The following ZDHHC23 variants were observed in gnomAD, a reference collection of about 807,000 sequenced individuals.
ZDHHC23 encodes the protein palmitoyltransferase ZDHHC23.
A neutral mutation model predicts 40.2 loss-of-function variants in ZDHHC23; 41 were observed. That is an observed-to-expected ratio of 1.02 (90% CI 0.79 to 1.32). The LOEUF is 1.32. ZDHHC23 is among the 40% of genes most tolerant of loss of function. The probability of loss-of-function intolerance (pLI) is 0.00; values close to 1 mark genes in which losing one functional copy is unlikely to be tolerated. For missense variants in ZDHHC23, 471 were observed against 541.5 expected, an observed-to-expected ratio of 0.87 and a Z score of 1.29; for synonymous variants, 204 against 210.2, an observed-to-expected ratio of 0.97 and a Z score of 0.26.
At position 113,959,696 on chromosome 3, in the gene ZDHHC23, G is replaced by T; in HGVS notation, c.*1066G>T. The T allele has an allele frequency of 1.8e-6, 2 of 1,125,782 alleles. No homozygotes were observed. Among genetic ancestry groups the T allele is most frequent in the South Asian group, 2.0e-5 (1 of 50,348 alleles). The allele number at this position is 1,125,782 out of a possible 1,614,324, so 69.7% of individuals were successfully genotyped here. Reference sequence around the variant, plus strand: ...ACTAAATTGTGAAAATCAGCCTTCTGGCATTCACATTATTCTGGTATGAAC... The same window carrying T: ...ACTAAATTGTGAAAATCAGCCTTCTTGCATTCACATTATTCTGGTATGAAC... On this transcript the variant is annotated 3_prime_UTR_variant, in exon 5 of 5. Coordinates refer to ENST00000638807, the MANE Select transcript of ZDHHC23 (RefSeq NM_001320466.2).
In ZDHHC23 at chr3:113,958,442, A is replaced by T; in HGVS notation, c.1120A>T (p.Ile374Phe). ...GMAYIFLIQL[I>F]NISYNVTERE... ...GGCCTACATCTTCCTGATCCAGCTG[A>T]TCAACATCAGCTACAATGTGACTGA... The change falls in exon 5 of 5, where the codon ATC becomes TTC. Residue 374 changes from isoleucine to phenylalanine, a missense_variant. Ile to Phe is a conservative substitution (Grantham distance 21). Coordinates refer to ENST00000638807, the MANE Select transcript of ZDHHC23 (RefSeq NM_001320466.2). The T allele has an allele frequency of 6.2e-7, 1 of 1,614,118 alleles. No individual in the cohort carries two copies. The highest frequency in any genetic ancestry group is 8.5e-7 in the Non-Finnish European group (1 of 1,180,020).
At chr3:113,957,303 C>T (rs1397099307) in intron 4 of ZDHHC23, among the ~76,000 whole-genome samples, 3 of 152,212 alleles carry the variant, frequency 2.0e-5, no homozygotes, top group Non-Finnish European at 4.4e-5. Flanking sequence ...GCTTTCTTTA[C>T]AAAGTATCCC....
At position 113,959,146 on chromosome 3, in the gene ZDHHC23, C is replaced by T. The variant is rs1022480847; in HGVS notation, c.*516C>T. On this transcript the variant is annotated 3_prime_UTR_variant, in exon 5 of 5. Coordinates refer to ENST00000638807, the MANE Select transcript of ZDHHC23 (RefSeq NM_001320466.2). ...AAAGCACTAAAAAACAACTCAAGAG[C>T]CATGGAAATACAAAGTATTAGGAAA... is the stretch of plus-strand genomic sequence containing the variant. 10 of 1,041,714 alleles carry T rather than the reference C, an allele frequency of 9.6e-6. No homozygotes were observed. Among genetic ancestry groups the T allele is most frequent in the Non-Finnish European group, 1.1e-5 (9 of 851,254 alleles). 64.5% of individuals were successfully genotyped at this position (1,041,714 alleles called of 1,614,324 possible). A position where few individuals can be genotyped will look rare whatever the true frequency, so the allele number is the denominator to read the frequency against.
chr3:113,965,247 G>T (rs747316219), downstream of ZDHHC23: 44 of 1,611,884 alleles, frequency 2.7e-5, 1 homozygote, highest in Admixed American at 6.0e-4. Context: ...AAGTCTGGAA[G>T]AATTTCAACT....
the ZDHHC23 span, among the ~76,000 whole-genome samples, chr3:113,977,313 A>G: frequency 1.3e-5 from 2 of 152,088 alleles, no homozygotes; most frequent in African/African-American, 4.8e-5. Flanking sequence ...CACCCACACA[A>G]CAGTCTTCAT....
intron 3 of ZDHHC23, among the ~76,000 whole-genome samples, chr3:113,955,735 G>A (rs1939164113): frequency 6.6e-6 from 1 of 152,056 alleles, no homozygotes; most frequent in Non-Finnish European, 1.5e-5. Context: ...GACAATGTTA[G>A]ATCTCCATAG....
At chr3:113,954,482 T>G in intron 3 of ZDHHC23, 72 bp downstream of exon 3, 1 of 1,392,996 alleles carries the variant, frequency 7.2e-7, no homozygotes, top group Non-Finnish European at 9.6e-7. Context: ...TTATCTTCCC[T>G]TGTGCTATCC....
Position 113,959,800 on chromosome 3 carries a change from A to G in ZDHHC23, c.*1170A>G. On this transcript the variant is annotated 3_prime_UTR_variant, in exon 5 of 5. Coordinates refer to ENST00000638807, the MANE Select transcript of ZDHHC23 (RefSeq NM_001320466.2). ...ACCCCTCCCTAAATAACAGTATCTCACTAAGAGAGAAGAAACAGGGTATAT... is the reference window on the plus strand; with the variant it reads ...ACCCCTCCCTAAATAACAGTATCTCGCTAAGAGAGAAGAAACAGGGTATAT... The G allele has an allele frequency of 9.5e-7, 1 of 1,055,500 alleles. No individual in the cohort carries two copies. The highest frequency in any genetic ancestry group is 3.1e-5 in the South Asian group (1 of 31,874). 65.4% of individuals were successfully genotyped at this position (1,055,500 alleles called of 1,614,324 possible). A position where few individuals can be genotyped will look rare whatever the true frequency, so the allele number is the denominator to read the frequency against.
chr3:113,970,327 T>C (rs1157958893), downstream of ZDHHC23, among the ~76,000 whole-genome samples: 1 of 152,084 alleles, frequency 6.6e-6, no homozygotes, highest in Non-Finnish European at 1.5e-5. Context: ...TCCTTTTCAA[T>C]TTGGATACAT....
chr3:113,954,991 G>A (rs1028991021), intron 3 of ZDHHC23, among the ~76,000 whole-genome samples: 3 of 152,194 alleles, frequency 2.0e-5, no homozygotes, highest in South Asian at 2.1e-4. Flanking sequence ...GGTACATAAG[G>A]CTCCGTAAAA....
At position 113,959,054 on chromosome 3, in the gene ZDHHC23, T is replaced by C; in HGVS notation, c.*424T>C. ...TCTCAGGGTCATCTGCAAAGTGGGGTACTGATGCCTGCCCTGGCTACCTCA... is the reference window on the plus strand; with the variant it reads ...TCTCAGGGTCATCTGCAAAGTGGGGCACTGATGCCTGCCCTGGCTACCTCA... On this transcript the variant is annotated 3_prime_UTR_variant, in exon 5 of 5. Transcript: ENST00000638807. 1.0e-6 allele frequency: 1 copy of C among 973,484 alleles called. No individual in the cohort carries two copies. The highest frequency in any genetic ancestry group is 1.9e-5 in the South Asian group (1 of 51,384). The allele number at this position is 973,484 out of a possible 1,614,324, so 60.3% of individuals were successfully genotyped here.
At chr3:113,971,069 G>T in the ZDHHC23 span, among the ~76,000 whole-genome samples, 11 of 152,096 alleles carry the variant, frequency 7.2e-5, no homozygotes, top group Middle Eastern at 3.2e-3. Flanking sequence ...ATAATCCTTT[G>T]GGTATATACC....
Position 113,960,925 on chromosome 3 carries a change from A to G in ZDHHC23, c.*2295A>G. The G allele has an allele frequency of 1.3e-6, 1 of 753,744 alleles. No individual in the cohort carries two copies. Among genetic ancestry groups the G allele is most frequent in the Non-Finnish European group, 2.0e-6 (1 of 506,038 alleles). 46.7% of individuals were successfully genotyped at this position (753,744 alleles called of 1,614,324 possible). A position where few individuals can be genotyped will look rare whatever the true frequency, so the allele number is the denominator to read the frequency against. On this transcript the variant is annotated 3_prime_UTR_variant, in exon 5 of 5. Coordinates refer to ENST00000638807, the MANE Select transcript of ZDHHC23 (RefSeq NM_001320466.2). ...AGGCGTCTGTACCGAAAGGAGCAGC[A>G]AACAAGGGGCTAATCCATGAGCAGT...
At chr3:113,974,835 G>A in the ZDHHC23 span, among the ~76,000 whole-genome samples, 1 of 151,890 alleles carries the variant, frequency 6.6e-6, no homozygotes, top group African/African-American at 2.4e-5. Flanking sequence ...GGTTCATCTT[G>A]GCTCTAGTAA....
rs752164598 is a variant in ZDHHC23, at chr3:113,948,837, AAAAG to A, written c.39_42del (p.Lys14ProfsTer15). ...AAGGGCAGTATGAAGCCTGTGAAGA[AAAAG>A]AAAACCGAAGAACCTGAATTGGAGC... On this transcript the variant is annotated frameshift_variant, in exon 2 of 5. Transcript: ENST00000638807. LOFTEE classifies it high-confidence loss of function. 1.2e-6 allele frequency: 2 copies of A among 1,614,188 alleles called. No individual in the cohort carries two copies. Among genetic ancestry groups the A allele is most frequent in the South Asian group, 1.1e-5 (1 of 91,042 alleles).
At chr3:113,970,397 T>C (rs1394404960), downstream of ZDHHC23, among the ~76,000 whole-genome samples, 2 of 152,062 alleles carry the variant, frequency 1.3e-5, no homozygotes, top group Non-Finnish European at 2.9e-5. Context: ...TGGCCTCAAG[T>C]GATCCTTCCA....
chr3:113,971,963 T>C, the ZDHHC23 span, among the ~76,000 whole-genome samples: 1 of 152,160 alleles, frequency 6.6e-6, no homozygotes, highest in Non-Finnish European at 1.5e-5. Context: ...AGTTTATTGA[T>C]ATATAGGTGT....
Position 113,948,831 on chromosome 3 carries a change from T to C in ZDHHC23, c.29T>C (p.Val10Ala), listed in dbSNP as rs1330466197. The change falls in exon 2 of 5, where the codon GTG becomes GCG. Residue 10 changes from valine (V) to alanine (A), a missense_variant. Around this residue, in one of 3 missense-constraint regions of ZDHHC23, gnomAD observed 83 missense variants for 67.8 expected, o/e 1.22. Coordinates refer to ENST00000638807, the MANE Select transcript of ZDHHC23 (RefSeq NM_001320466.2). ...ACACAGAAGGGCAGTATGAAGCCTG[T>C]GAAGAAAAAGAAAACCGAAGAACCT... Reference protein sequence around the residue: MTQKGSMKPVKKKKTEEPEL... With the variant: MTQKGSMKPAKKKKTEEPEL... 1.9e-6 allele frequency: 3 copies of C among 1,613,990 alleles called. No individual in the cohort carries two copies. The highest frequency in any genetic ancestry group is 2.5e-6 in the Non-Finnish European group (3 of 1,180,032).
At chr3:113,957,740 C>A (rs1329534299) in intron 4 of ZDHHC23, 2 of 518,698 alleles carry the variant, frequency 3.9e-6, no homozygotes, top group Admixed American at 3.9e-5. Context: ...ATGGCAGAGG[C>A]TAACTGGCAG....
Sources: allele counts gnomAD v4.1 joint callset (sites outside exome capture counted in the v4.1 genomes callset), GRCh38; gene constraint gnomAD v4.1.1; regional missense constraint gnomAD v4.1.1; transcripts MANE v1.5; gene names NCBI Gene and HGNC (gene_info 2026-07-23, HGNC 2026-07-21).